Variants in SIPA1L3 observed in about 807,000 individuals in gnomAD.
SIPA1L3 encodes the protein signal-induced proliferation-associated 1-like protein 3.
A neutral mutation model predicts 150.1 loss-of-function variants in SIPA1L3; 59 were observed. The ratio of observed to expected loss-of-function variants is 0.39; its 90% CI spans 0.32 to 0.49. The LOEUF is 0.49. Ranked by LOEUF, SIPA1L3 falls within the 20% of genes least tolerant of loss-of-function variation. SIPA1L3 has a pLI of 0.86. For missense variants in SIPA1L3, 2,211 were observed against 2,489.5 expected (o/e 0.89, Z 2.38); for synonymous variants, 1,070 against 1,077.6 (o/e 0.99, Z 0.14).
intron 1 of SIPA1L3, among the ~76,000 whole-genome samples, chr19:37,980,107 A>G (rs1400548346): frequency 6.6e-6 from 1 of 151,806 alleles, no homozygotes; most frequent in Non-Finnish European, 1.5e-5. Context: ...TCTCCCCATC[A>G]CTCCCACTTT....
In SIPA1L3 at chr19:38,172,794, C is replaced by T. The variant is rs533805839; in HGVS notation, c.4208+7888C>T. Among the ~76,000 whole-genome samples the T allele has an allele frequency of 2.6e-5, 4 of 152,224 alleles. No homozygotes were observed. The South Asian group carries it at 8.3e-4, about 32-fold the overall frequency. ...AGCCATGGGAGGCATTTGAGCACAT[C>T]ATCTGACTTAATGTTTTTAAAAAGA... On this transcript the variant is annotated intron_variant, in intron 15 of 21. Transcript: ENST00000222345.
chr19:38,141,529 C>T (rs558640041), intron 11 of SIPA1L3, 94 bp downstream of exon 11: 1 of 1,318,910 alleles, frequency 7.6e-7, no homozygotes, highest in East Asian at 2.3e-5. Flanking sequence ...CCTCCATCCT[C>T]TTCCTCGCCT....
intron 1 of SIPA1L3, among the ~76,000 whole-genome samples, chr19:37,908,928 G>A (rs2046357118): frequency 6.6e-6 from 1 of 152,170 alleles, no homozygotes; most frequent in African/African-American, 2.4e-5. Flanking sequence ...CTCCAGATGT[G>A]GAGCCTGTGC....
chr19:38,056,400 C>A (rs1190788616), intron 2 of SIPA1L3, among the ~76,000 whole-genome samples: 1 of 152,318 alleles, frequency 6.6e-6, no homozygotes, highest in African/African-American at 2.4e-5. Flanking sequence ...TTTCCTCCAT[C>A]CCCCTCACCC....
intron 13 of SIPA1L3, 135 bp downstream of exon 13, chr19:38,153,102 G>C: frequency 4.2e-6 from 5 of 1,185,900 alleles, no homozygotes; most frequent in Non-Finnish European, 5.7e-6. Context: ...AGCGCCACAT[G>C]TAAGACTAGA....
chr19:38,054,003 C>T (rs1283641650), intron 2 of SIPA1L3, among the ~76,000 whole-genome samples: 1 of 152,072 alleles, frequency 6.6e-6, no homozygotes, highest in Non-Finnish European at 1.5e-5. Context: ...TTTAAGGGAC[C>T]TGTCCAAGGT....
chr19:37,911,989 G>A (rs1009384688), intron 1 of SIPA1L3, among the ~76,000 whole-genome samples: 5 of 151,750 alleles, frequency 3.3e-5, no homozygotes, highest in Admixed American at 1.3e-4. Flanking sequence ...GGAGAATGGC[G>A]TGAACCTGGG....
At chr19:38,065,902 C>CT (rs1555782601) in intron 2 of SIPA1L3, among the ~76,000 whole-genome samples, 1 of 87,582 alleles carries the variant, frequency 1.1e-5, no homozygotes, top group African/African-American at 5.6e-5. Context: ...GGTTTGATCT[C>CT]TTATTTATTT....
At chr19:38,002,571 A>G (rs1967831423) in intron 1 of SIPA1L3, among the ~76,000 whole-genome samples, 1 of 151,640 alleles carries the variant, frequency 6.6e-6, no homozygotes, top group African/African-American at 2.4e-5. Flanking sequence ...TGTCGGTACT[A>G]AAAATACAAA....
chr19:37,970,307 T>C (rs752537184), intron 1 of SIPA1L3, among the ~76,000 whole-genome samples: 4 of 152,210 alleles, frequency 2.6e-5, no homozygotes, highest in Non-Finnish European at 4.4e-5. Context: ...CCAGTGGAGA[T>C]GGTATATCTC....
chr19:37,998,480 A>G (rs1425581015), intron 1 of SIPA1L3, among the ~76,000 whole-genome samples: 1 of 152,160 alleles, frequency 6.6e-6, no homozygotes, highest in Non-Finnish European at 1.5e-5. Flanking sequence ...GATATCCGGC[A>G]TTTGCTTTAA....
rs144575789 is a variant in SIPA1L3, at chr19:38,055,187, G to T, written c.-311+26031G>T. Among the ~76,000 whole-genome samples the T allele has an allele frequency of 4.3e-3, 658 of 152,216 alleles. 4 individuals carry two copies. The highest frequency in any genetic ancestry group is 0.015 in the African/African-American group (632 of 41,534). On this transcript the variant is annotated intron_variant, in intron 2 of 21. Transcript: ENST00000222345. ...CAGTCAAGATTGCAATCGGCTACAT[G>T]TAACAAAAAACCAGTAAGCCGTGGC...
chr19:37,959,708 A>G (rs2046840302), intron 1 of SIPA1L3, among the ~76,000 whole-genome samples: 2 of 152,020 alleles, frequency 1.3e-5, no homozygotes, highest in Non-Finnish European at 2.9e-5. Flanking sequence ...TGTTTTCTGT[A>G]TGCCTCACAT....
chr19:38,150,352 A>AG lies in SIPA1L3; in HGVS notation c.3534-2485dup, dbSNP rs1314578432. ...GGCATTGAAGCCAGGGGATTAGGGC[A>AG]GGGTCCCTGTAGAGACAGTCCTGGC... On this transcript the variant is annotated intron_variant, in intron 12 of 21. Transcript: ENST00000222345. 5.9e-5 allele frequency among the ~76,000 whole-genome samples: 9 copies of AG among 152,142 alleles called. No homozygotes were observed. In the East Asian group the frequency reaches 1.7e-3, roughly 30 times the overall value.
At chr19:38,089,530 C>T (rs1015267435) in intron 4 of SIPA1L3, among the ~76,000 whole-genome samples, 11 of 152,022 alleles carry the variant, frequency 7.2e-5, no homozygotes, top group African/African-American at 2.7e-4. Context: ...AGGTGTCCTA[C>T]GTAATGGAAA....
At chr19:37,973,427 G>T (rs1437747018) in intron 1 of SIPA1L3, among the ~76,000 whole-genome samples, 1 of 149,892 alleles carries the variant, frequency 6.7e-6, no homozygotes, top group Non-Finnish European at 1.5e-5. Flanking sequence ...TAGAGACGGG[G>T]TTTCACCATA....
At chr19:38,096,596 G>A (rs531832675) in intron 4 of SIPA1L3, among the ~76,000 whole-genome samples, 21 of 152,198 alleles carry the variant, frequency 1.4e-4, no homozygotes, top group African/African-American at 5.1e-4. Flanking sequence ...TTGGGTGCTT[G>A]TAACAAGCCC....
chr19:38,141,153 C>T (rs752989007), intron 10 of SIPA1L3, 31 bp from the exon 11 acceptor site: 1 of 1,541,218 alleles, frequency 6.5e-7, no homozygotes, highest in South Asian at 1.3e-5. Flanking sequence ...TGGGCTGGGG[C>T]CTTTCTGAGT....
chr19:38,119,569 A>G lies in SIPA1L3; in HGVS notation c.2555A>G (p.Lys852Arg). Residue 852 changes from lysine (K) to arginine (R), a missense_variant, in exon 9 of 22, where the codon AAG (lysine) becomes AGG (arginine). Transcript: ENST00000222345. ...GKFNLISLTS[K>R]KKEKTKARAG... is the part of the protein sequence containing the mutation. ...TTCAACCTCATCTCCCTGACCTCCAAGAAGAAGGAAAAGACAAAAGCACGG... is the reference window on the plus strand; with the variant it reads ...TTCAACCTCATCTCCCTGACCTCCAGGAAGAAGGAAAAGACAAAAGCACGG... 2 of 1,614,172 alleles carry G rather than the reference A, an allele frequency of 1.2e-6. No homozygotes were observed. Among genetic ancestry groups the G allele is most frequent in the Non-Finnish European group, 8.5e-7 (1 of 1,180,032 alleles).
Sources: allele counts gnomAD v4.1 joint callset (sites outside exome capture counted in the v4.1 genomes callset), GRCh38; gene constraint gnomAD v4.1.1; transcripts MANE v1.5; gene names NCBI Gene and HGNC (gene_info 2026-07-23, HGNC 2026-07-21).